RIC1: variants seen among roughly 807,000 people sequenced by gnomAD.
RIC1 encodes RIC1 partner of RAB6A GEF complex, also known as guanine nucleotide exchange factor subunit RIC1.
In RIC1, 88 loss-of-function variants were observed where a neutral mutation model predicts 169.0. The observed-to-expected ratio is 0.52, with a 90% CI of 0.44 to 0.62. RIC1 has a LOEUF of 0.62. Ranked by LOEUF, RIC1 falls within the 20% of genes least tolerant of loss-of-function variation. The pLI is 0.00. For missense variants in RIC1, 1,877 were observed against 1,725.5 expected (o/e 1.09, Z -1.56); for synonymous variants, 790 against 601.5 (o/e 1.31, Z -4.59).
intron 3 of RIC1, among the ~76,000 whole-genome samples, chr9:5,703,684 G>A (rs1272022157): frequency 1.3e-5 from 2 of 152,124 alleles, no homozygotes; most frequent in Non-Finnish European, 2.9e-5. Flanking sequence ...AGGTTAATTC[G>A]TGTTTTAGCA....
At chr9:5,687,386 G>A (rs1359943239) in intron 2 of RIC1, among the ~76,000 whole-genome samples, 1 of 152,036 alleles carries the variant, frequency 6.6e-6, no homozygotes, top group Non-Finnish European at 1.5e-5. Flanking sequence ...ACTTGCTTTG[G>A]ATTTCGTTTG....
chr9:5,656,383 C>T (rs764492191), intron 1 of RIC1, among the ~76,000 whole-genome samples, 200 bp from the exon 2 acceptor site: 1 of 151,988 alleles, frequency 6.6e-6, no homozygotes, highest in Non-Finnish European at 1.5e-5. Context: ...AATTCAGTTT[C>T]TTTAATAATA....
At chr9:5,676,710 A>G (rs975307675) in intron 2 of RIC1, among the ~76,000 whole-genome samples, 2 of 152,206 alleles carry the variant, frequency 1.3e-5, no homozygotes, top group African/African-American at 4.8e-5. Flanking sequence ...TGTTTTAAGA[A>G]TCCCCACCTC....
At chr9:5,649,303 G>C (rs181881278) in intron 1 of RIC1, among the ~76,000 whole-genome samples, 1 of 152,220 alleles carries the variant, frequency 6.6e-6, no homozygotes, top group East Asian at 1.9e-4. Flanking sequence ...CTGCTCCTTT[G>C]ATCTTGTCTT....
At chr9:5,644,222 C>T (rs1001665932) in intron 1 of RIC1, among the ~76,000 whole-genome samples, 1 of 152,144 alleles carries the variant, frequency 6.6e-6, no homozygotes, top group African/African-American at 2.4e-5. Context: ...TTGTCATCAA[C>T]CTCTTCTCCC....
intron 12 of RIC1, among the ~76,000 whole-genome samples, chr9:5,748,302 C>G (rs962621918): frequency 1.3e-4 from 20 of 152,122 alleles, no homozygotes; most frequent in Non-Finnish European, 1.9e-4. Flanking sequence ...CTTTGACTCT[C>G]TATATGTTTA....
intron 8 of RIC1, among the ~76,000 whole-genome samples, chr9:5,742,641 C>T (rs1356684445): frequency 1.3e-5 from 2 of 152,092 alleles, no homozygotes; most frequent in Non-Finnish European, 2.9e-5. Context: ...ACAGCTTTCA[C>T]TTCTTACAAA....
chr9:5,657,074 G>A (rs1000114900), intron 2 of RIC1, among the ~76,000 whole-genome samples: 1 of 151,934 alleles, frequency 6.6e-6, no homozygotes, highest in Non-Finnish European at 1.5e-5. Context: ...ATCCTTTTCT[G>A]TTTGTTGTTC....
At chr9:5,725,186 C>G (rs1419414481) in intron 6 of RIC1, among the ~76,000 whole-genome samples, 1 of 152,158 alleles carries the variant, frequency 6.6e-6, no homozygotes, top group Non-Finnish European at 1.5e-5. Flanking sequence ...CTGTCTCGTC[C>G]TGGACTTTTT....
At chr9:5,686,594 A>G (rs1012323191) in intron 2 of RIC1, among the ~76,000 whole-genome samples, 12 of 132,086 alleles carry the variant, frequency 9.1e-5, no homozygotes, top group Non-Finnish European at 1.4e-4. Context: ...ACAGGGAGAC[A>G]TGAAGGGGAA....
intron 3 of RIC1, among the ~76,000 whole-genome samples, chr9:5,700,721 T>G (rs901481848): frequency 6.6e-6 from 1 of 152,158 alleles, no homozygotes; most frequent in African/African-American, 2.4e-5. Context: ...AACACCTTCA[T>G]TCTGCACAAG....
chr9:5,673,494 G>C (rs1026135529), intron 2 of RIC1, among the ~76,000 whole-genome samples: 1 of 136,266 alleles, frequency 7.3e-6, no homozygotes, highest in East Asian at 2.2e-4. Context: ...CTACTTAAGG[G>C]AAGGTACCCC....
chr9:5,642,617 C>A (rs1048328032), intron 1 of RIC1, among the ~76,000 whole-genome samples: 1 of 144,968 alleles, frequency 6.9e-6, no homozygotes, highest in African/African-American at 2.8e-5. Context: ...ACACAAAATT[C>A]TTCCCACTTT....
chr9:5,756,426 CT>C, intron 16 of RIC1, 54 bp downstream of exon 16: 1 of 1,197,574 alleles, frequency 8.4e-7, no homozygotes, highest in Non-Finnish European at 1.1e-6. Context: ...CCACGTTTCT[CT>C]TTTGTAGTTT....
intron 6 of RIC1, among the ~76,000 whole-genome samples, chr9:5,725,548 C>G (rs1456762634): frequency 6.6e-6 from 1 of 152,064 alleles, no homozygotes; most frequent in African/African-American, 2.4e-5. Context: ...TTTTTTATGT[C>G]TCTATCTCCT....
chr9:5,665,760 A>G (rs1377834961), intron 2 of RIC1, among the ~76,000 whole-genome samples: 2 of 152,100 alleles, frequency 1.3e-5, no homozygotes, highest in Non-Finnish European at 1.5e-5. Context: ...ACCTGGAGGT[A>G]TCACCAGGGA....
At chr9:5,664,942 T>A (rs1226961861) in intron 2 of RIC1, among the ~76,000 whole-genome samples, 2 of 152,246 alleles carry the variant, frequency 1.3e-5, no homozygotes, top group South Asian at 4.1e-4. Context: ...TCTTGTAGTA[T>A]GTTTCTGAGC....
At chr9:5,746,963 T>G (rs764965595) in intron 11 of RIC1, among the ~76,000 whole-genome samples, 1 of 152,140 alleles carries the variant, frequency 6.6e-6, no homozygotes, top group Non-Finnish European at 1.5e-5. Context: ...AAAGCACCCT[T>G]GAGTTTTATG....
intron 9 of RIC1, among the ~76,000 whole-genome samples, chr9:5,743,338 G>C (rs906870196): frequency 6.6e-6 from 1 of 152,132 alleles, no homozygotes; most frequent in Non-Finnish European, 1.5e-5. Context: ...TACATAAATA[G>C]TAGAAAGTTA....
Sources: gnomAD v4.1 joint callset for allele counts (sites outside exome capture counted in the v4.1 genomes callset) on GRCh38, gnomAD v4.1.1 for gene constraint, MANE v1.5 for transcripts, NCBI Gene and HGNC (gene_info 2026-07-23, HGNC 2026-07-21) for gene names.